Variants in TSGA10 observed in about 807,000 individuals in gnomAD.
The protein encoded by TSGA10 is testis-specific gene 10 protein.
A neutral mutation model predicts 96.6 loss-of-function variants in TSGA10; 43 were observed. That is an observed-to-expected ratio of 0.44 (90% CI 0.35 to 0.57). TSGA10 has a LOEUF of 0.57. Among genes scored for constraint, TSGA10 ranks in the 20% least tolerant of loss-of-function variants. The pLI is 0.01. For synonymous variants in TSGA10, 229 were observed against 269.9 expected (o/e 0.85, Z 1.48); for missense variants, 703 against 834.4 (o/e 0.84, Z 1.94).
At chr2:99,031,817 C>G (rs776049499) in intron 17 of TSGA10, among the ~76,000 whole-genome samples, 1 of 152,188 alleles carries the variant, frequency 6.6e-6, no homozygotes, top group African/African-American at 2.4e-5. Context: ...AGGAGTGGAA[C>G]CCTATTGTGT....
At chr2:99,107,741 T>C (rs562444567) in intron 7 of TSGA10, among the ~76,000 whole-genome samples, 1 of 152,236 alleles carries the variant, frequency 6.6e-6, no homozygotes, top group South Asian at 2.1e-4. Flanking sequence ...TATTCATTTA[T>C]GTATTGTCCA....
rs2087036832 is a variant in TSGA10, at chr2:99,078,600, GTTTAACA to G, written c.882+52_882+58del. The stretch of plus-strand genomic sequence containing the variant: ...CAGATTCTAGTTCTTTTAAACCATA[GTTTAACA>G]TTTAACATTTCATTTAAACGTTTCT... On this transcript the variant is annotated intron_variant, in intron 12 of 20. Transcript: ENST00000393483. 4 of 1,490,536 alleles carry G rather than the reference GTTTAACA, an allele frequency of 2.7e-6. No homozygotes were observed. In the East Asian group the frequency reaches 6.9e-5, roughly 26 times the overall value. The allele number at this position is 1,490,536 out of a possible 1,614,324, so 92.3% of individuals were successfully genotyped here.
At chr2:99,058,353 G>A (rs1481761617) in intron 16 of TSGA10, among the ~76,000 whole-genome samples, 1 of 152,116 alleles carries the variant, frequency 6.6e-6, no homozygotes, top group Non-Finnish European at 1.5e-5. Flanking sequence ...GCACTGTGTA[G>A]GGGAAAATAC....
chr2:99,114,079 C>T (rs180822782), intron 4 of TSGA10, among the ~76,000 whole-genome samples: 1 of 152,272 alleles, frequency 6.6e-6, no homozygotes, highest in East Asian at 1.9e-4. Context: ...AAAGTAAATA[C>T]TTCCCAGTGA....
At chr2:99,074,992 T>C (rs965424996) in intron 12 of TSGA10, among the ~76,000 whole-genome samples, 13 of 151,542 alleles carry the variant, frequency 8.6e-5, no homozygotes, top group Non-Finnish European at 1.9e-4. Flanking sequence ...AACCTTAAAA[T>C]ATGTTTGATA....
At chr2:99,027,541 G>A (rs762513238) in intron 17 of TSGA10, among the ~76,000 whole-genome samples, 19 of 152,114 alleles carry the variant, frequency 1.2e-4, no homozygotes, top group Non-Finnish European at 2.2e-4. Context: ...AAATTTTAAT[G>A]ATATCATGCA....
At chr2:99,080,654 A>T (rs577464823) in intron 11 of TSGA10, among the ~76,000 whole-genome samples, 7 of 152,236 alleles carry the variant, frequency 4.6e-5, no homozygotes, top group African/African-American at 1.7e-4. Flanking sequence ...CCATCTACCT[A>T]GTTGGTTATA....
chr2:99,146,448 T>C (rs2093632963), intron 1 of TSGA10, among the ~76,000 whole-genome samples: 3 of 151,772 alleles, frequency 2.0e-5, no homozygotes, highest in Admixed American at 2.0e-4. Context: ...TTTGTTTATA[T>C]TTTTTTCATT....
chr2:99,152,028 T>A (rs1372641147), intron 1 of TSGA10, among the ~76,000 whole-genome samples: 1 of 152,112 alleles, frequency 6.6e-6, no homozygotes, highest in African/African-American at 2.4e-5. Flanking sequence ...AAAAAGACAA[T>A]GCTTTTTATT....
At chr2:99,062,540 A>C (rs776649536) in intron 16 of TSGA10, among the ~76,000 whole-genome samples, 1 of 152,180 alleles carries the variant, frequency 6.6e-6, no homozygotes, top group Non-Finnish European at 1.5e-5. Context: ...GATCAAGACC[A>C]GCTTGGGCAA....
intron 1 of TSGA10, among the ~76,000 whole-genome samples, chr2:99,147,709 AT>A (rs1431735686): frequency 1.3e-5 from 2 of 152,218 alleles, no homozygotes; most frequent in Admixed American, 1.3e-4. Flanking sequence ...TGTAATAATA[AT>A]AATATGTAGA....
chr2:99,068,152 T>C (rs1185682566), intron 15 of TSGA10, among the ~76,000 whole-genome samples: 2 of 152,220 alleles, frequency 1.3e-5, no homozygotes, highest in African/African-American at 4.8e-5. Context: ...TTAGAATCTC[T>C]TCTGTCTCAA....
chr2:99,000,110 G>A (rs1323899973), intron 20 of TSGA10, among the ~76,000 whole-genome samples: 2 of 152,150 alleles, frequency 1.3e-5, no homozygotes, highest in Non-Finnish European at 2.9e-5. Context: ...GGTGGCTCAT[G>A]CCTGTAATCC....
rs191645034 is a variant in TSGA10, at chr2:99,050,866, G to A, written c.1404+14073C>T. On this transcript the variant is annotated intron_variant, in intron 16 of 20. Transcript: ENST00000393483. ...TGATGGACCAGCACACATGATGGTG[G>A]GCCCATAAGATTATAATATCATATT... Among the ~76,000 whole-genome samples the A allele has an allele frequency of 2.0e-5, 3 of 152,068 alleles. No homozygotes were observed. In the East Asian group the frequency reaches 5.8e-4, roughly 29 times the overall value.
intron 1 of TSGA10, among the ~76,000 whole-genome samples, chr2:99,140,759 C>T (rs1271186689): frequency 6.6e-6 from 1 of 152,144 alleles, no homozygotes; most frequent in Non-Finnish European, 1.5e-5. Flanking sequence ...AATTCCTCGG[C>T]TCCACCAGAG....
chr2:99,054,929 C>T (rs1473219565), intron 16 of TSGA10, among the ~76,000 whole-genome samples: 1 of 152,042 alleles, frequency 6.6e-6, no homozygotes, highest in Non-Finnish European at 1.5e-5. Flanking sequence ...ATTAGTATAG[C>T]CATTATGGGA....
At chr2:99,023,591 A>T (rs1048087047) in intron 17 of TSGA10, among the ~76,000 whole-genome samples, 3 of 152,208 alleles carry the variant, frequency 2.0e-5, no homozygotes, top group Non-Finnish European at 4.4e-5. Flanking sequence ...ATGTGATCCA[A>T]CTTCATTCTT....
chr2:99,143,450 C>T lies in TSGA10; in HGVS notation c.-621+11243G>A, dbSNP rs559111561. ...CTGGGATTACAGGTGTGAGCCACTG[C>T]GCCCAGACTTTTTTTTTTTTTCCTT... On this transcript the variant is annotated intron_variant, in intron 1 of 20. Coordinates refer to ENST00000393483, the MANE Select transcript of TSGA10 (RefSeq NM_025244.4). 3.1e-4 allele frequency among the ~76,000 whole-genome samples: 46 copies of T among 150,746 alleles called. 3 individuals carry two copies. Among genetic ancestry groups the T allele is most frequent in the African/African-American group, 1.0e-3 (42 of 41,052 alleles).
chr2:99,017,579 A>G (rs556670854), intron 20 of TSGA10, among the ~76,000 whole-genome samples: 18 of 151,810 alleles, frequency 1.2e-4, no homozygotes, highest in African/African-American at 4.3e-4. Context: ...TCCCGGCTAA[A>G]ACGGTGAAAC....
Sources: gnomAD v4.1 joint callset for allele counts (sites outside exome capture counted in the v4.1 genomes callset) on GRCh38, gnomAD v4.1.1 for gene constraint, MANE v1.5 for transcripts, NCBI Gene and HGNC (gene_info 2026-07-23, HGNC 2026-07-21) for gene names.